Variants in PIAS1 observed in about 807,000 individuals in gnomAD.
PIAS1 encodes the protein E3 SUMO-protein ligase PIAS1.
Under a neutral mutation model 71.3 loss-of-function variants are expected in PIAS1, and 6 were observed. That is an observed-to-expected ratio of 0.08 (90% CI 0.05 to 0.17). PIAS1 has a LOEUF of 0.17. Ranked by LOEUF, PIAS1 falls within the 10% of genes least tolerant of loss-of-function variation. The pLI, the probability that PIAS1 is intolerant of heterozygous loss-of-function variation, is 1.00. For missense variants in PIAS1, 555 were observed against 793.6 expected (o/e 0.70, Z 3.61); for synonymous variants, 303 against 292.9 (o/e 1.03, Z -0.35).
At chr15:68,082,089 CACA>C in intron 1 of PIAS1, among the ~76,000 whole-genome samples, 1 of 152,280 alleles carries the variant, frequency 6.6e-6, no homozygotes, top group Admixed American at 6.5e-5. Flanking sequence ...AAAATCTTGA[CACA>C]ACATGATTTC....
rs117325133 is a variant in PIAS1 at position 68,083,699 on chromosome 15, T to C, written c.25-2607T>C. Among the ~76,000 whole-genome samples the C allele has an allele frequency of 5.5e-3, 831 of 152,024 alleles. 2 individuals are homozygous for C. The highest frequency in any genetic ancestry group is 0.015 in the East Asian group (78 of 5,176). On this transcript the variant is annotated intron_variant, in intron 1 of 13. Coordinates refer to ENST00000249636, the MANE Select transcript of PIAS1 (RefSeq NM_016166.3). The stretch of plus-strand genomic sequence containing the variant: ...CGTTTCTTAACCTTGCTAAGTCTTA[T>C]TTTCCCACCTGAAAAGTGAGAACAG...
chr15:68,094,264 A>G (rs1216668415), intron 2 of PIAS1, among the ~76,000 whole-genome samples: 3 of 151,878 alleles, frequency 2.0e-5, no homozygotes, highest in African/African-American at 7.3e-5. Flanking sequence ...TTAGTATTTA[A>G]GAAAACTAGA....
chr15:68,088,209 T>G (rs1473133277), intron 2 of PIAS1, among the ~76,000 whole-genome samples: 6 of 143,896 alleles, frequency 4.2e-5, no homozygotes, highest in African/African-American at 1.5e-4. Context: ...TATCCCATTT[T>G]AAATTAAAGG....
intron 1 of PIAS1, among the ~76,000 whole-genome samples, chr15:68,065,122 G>A (rs532847320): frequency 2.0e-5 from 3 of 152,020 alleles, no homozygotes; most frequent in East Asian, 3.9e-4. Flanking sequence ...AGATTTAATC[G>A]ACATAAAGTT....
intron 2 of PIAS1, among the ~76,000 whole-genome samples, chr15:68,127,075 C>T (rs986903088): frequency 1.3e-5 from 2 of 152,062 alleles, no homozygotes; most frequent in East Asian, 1.9e-4. Flanking sequence ...GGACTACAGG[C>T]GCACCATGCT....
chr15:68,096,875 A>G (rs2092380499), intron 2 of PIAS1, among the ~76,000 whole-genome samples: 1 of 151,846 alleles, frequency 6.6e-6, no homozygotes. Flanking sequence ...GATTAATTTT[A>G]CTTCTTTTTA....
chr15:68,116,698 A>G (rs1396539107), intron 2 of PIAS1, among the ~76,000 whole-genome samples: 1 of 151,416 alleles, frequency 6.6e-6, no homozygotes, highest in Non-Finnish European at 1.5e-5. Flanking sequence ...TTTTTTTTCT[A>G]ATATAGGCAT....
In PIAS1 at chr15:68,173,700, A is replaced by T; in HGVS notation, c.1009-32A>T. ...AAAGCTTAAATGTTGAATAGCAATT[A>T]TCTAATATTTACTTTTTCTCCCTTT... On this transcript the variant is annotated intron_variant, in intron 8 of 13. Coordinates refer to ENST00000249636, the MANE Select transcript of PIAS1 (RefSeq NM_016166.3). This position sits in a 1 kb window ranked among gnomAD's most constrained non-coding sequence, Gnocchi z 4.3. 1 of 1,470,470 alleles carries T rather than the reference A, an allele frequency of 6.8e-7. No individual in the cohort carries two copies. Among genetic ancestry groups the T allele is most frequent in the Non-Finnish European group, 9.1e-7 (1 of 1,094,350 alleles). The allele number at this position is 1,470,470 out of a possible 1,614,324, so 91.1% of individuals were successfully genotyped here.
At chr15:68,094,927 T>C (rs2092361497) in intron 2 of PIAS1, among the ~76,000 whole-genome samples, 1 of 152,216 alleles carries the variant, frequency 6.6e-6, no homozygotes, top group Non-Finnish European at 1.5e-5. Context: ...TATCTGGTGA[T>C]TTTAATGTAA....
chr15:68,071,009 A>G (rs779167178), intron 1 of PIAS1, among the ~76,000 whole-genome samples: 5 of 152,158 alleles, frequency 3.3e-5, no homozygotes, highest in Non-Finnish European at 7.3e-5. Context: ...TCCTTTGAAC[A>G]GCACTTTTCT....
At chr15:68,152,612 C>T (rs1171019149) in intron 6 of PIAS1, among the ~76,000 whole-genome samples, 1 of 152,130 alleles carries the variant, frequency 6.6e-6, no homozygotes, top group African/African-American at 2.4e-5. Flanking sequence ...TCTTAATAGG[C>T]CTTGTGCAAA....
chr15:68,172,906 C>T (rs2093000316), intron 8 of PIAS1, among the ~76,000 whole-genome samples: 1 of 152,194 alleles, frequency 6.6e-6, no homozygotes, highest in Non-Finnish European at 1.5e-5. Context: ...GCTAGAGGTC[C>T]AGGGCTGTAG....
chr15:68,132,784 G>A (rs8038202), intron 2 of PIAS1, among the ~76,000 whole-genome samples: 56,004 of 151,842 alleles, frequency 0.37, 12,539 homozygotes, highest in East Asian at 0.79. Flanking sequence ...CAACCAAAGT[G>A]AGAGTCCACG....
At chr15:68,128,092 G>A (rs2092664426) in intron 2 of PIAS1, among the ~76,000 whole-genome samples, 1 of 152,026 alleles carries the variant, frequency 6.6e-6, no homozygotes, top group Non-Finnish European at 1.5e-5. Flanking sequence ...CTTTTGTTTA[G>A]GCAGTTCAAC....
intron 11 of PIAS1, among the ~76,000 whole-genome samples, chr15:68,179,682 T>C (rs1347802788): frequency 6.8e-6 from 1 of 147,774 alleles, no homozygotes; most frequent in East Asian, 2.1e-4. Context: ...TTCAAGTGAT[T>C]CTCCTGCCTC....
At chr15:68,155,727 A>T (rs549034037) in intron 7 of PIAS1, among the ~76,000 whole-genome samples, 97 of 152,232 alleles carry the variant, frequency 6.4e-4, no homozygotes, top group African/African-American at 2.2e-3. Context: ...ATTTAGTAGG[A>T]TTTTGTCTTG....
intron 1 of PIAS1, among the ~76,000 whole-genome samples, chr15:68,079,752 T>TA (rs1265330816): frequency 6.6e-6 from 1 of 152,156 alleles, no homozygotes; most frequent in Non-Finnish European, 1.5e-5. Flanking sequence ...GTGCTGGGAT[T>TA]ACAGGTGTGA....
rs74020057 is a variant in PIAS1 at position 68,147,012 on chromosome 15, A to G, written c.828+312A>G. 4.4e-3 allele frequency among the ~76,000 whole-genome samples: 663 copies of G among 152,196 alleles called. 5 individuals are homozygous for G. The highest frequency in any genetic ancestry group is 0.015 in the African/African-American group (610 of 41,522). On this transcript the variant is annotated intron_variant, in intron 6 of 13. Coordinates refer to ENST00000249636, the MANE Select transcript of PIAS1 (RefSeq NM_016166.3). Reference sequence around the variant, plus strand: ...GCCATAAATTTGCCTGTTCCCTACTATTGAGCGTGTTACTTGATTTATTGA... The same window carrying G: ...GCCATAAATTTGCCTGTTCCCTACTGTTGAGCGTGTTACTTGATTTATTGA...
Position 68,171,964 on chromosome 15 carries a change from A to G in PIAS1, c.1009-1768A>G, listed in dbSNP as rs915339675. On this transcript the variant is annotated intron_variant, in intron 8 of 13. Transcript: ENST00000249636. This position sits in a 1 kb window ranked among gnomAD's most constrained non-coding sequence, Gnocchi z 4.4. The stretch of plus-strand genomic sequence containing the variant: ...TAAAATACTTTAAGTTCTATGGTAC[A>G]TGTGCACAACGTGCAGGTATACATG... 9.9e-5 allele frequency among the ~76,000 whole-genome samples: 15 copies of G among 151,864 alleles called. No homozygotes were observed. The highest frequency in any genetic ancestry group is 4.4e-5 in the Non-Finnish European group (3 of 67,982).
Sources: gnomAD v4.1 joint callset for allele counts (sites outside exome capture counted in the v4.1 genomes callset) on GRCh38, gnomAD v4.1.1 for gene constraint, Gnocchi (gnomAD v3.1) non-coding constraint, MANE v1.5 for transcripts, NCBI Gene and HGNC (gene_info 2026-07-23, HGNC 2026-07-21) for gene names.